Variants in SLC9A9 observed in about 807,000 individuals in gnomAD.
SLC9A9 encodes the protein sodium/hydrogen exchanger 9.
In SLC9A9, 62 loss-of-function variants were observed where a neutral mutation model predicts 77.8. The observed-to-expected ratio is 0.80, with a 90% CI of 0.65 to 0.98. The LOEUF (loss-of-function observed/expected upper bound fraction) is 0.98. Among genes scored for constraint, SLC9A9 ranks in the 50% least tolerant of loss-of-function variants. SLC9A9 has a pLI of 0.00. For missense variants in SLC9A9, 775 were observed against 774.9 expected (o/e 1.00, Z 0.00); for synonymous variants, 320 against 283.5 (o/e 1.13, Z -1.29).
chr3:143,799,996 T>C (rs1047669092), intron 2 of SLC9A9, among the ~76,000 whole-genome samples: 1 of 152,176 alleles, frequency 6.6e-6, no homozygotes, highest in African/African-American at 2.4e-5. Context: ...TAGACAATAC[T>C]CTTTTAAGCA....
At chr3:143,280,842 C>T (rs1221998403) in intron 14 of SLC9A9, among the ~76,000 whole-genome samples, 11 of 152,232 alleles carry the variant, frequency 7.2e-5, no homozygotes, top group Admixed American at 3.3e-4. Context: ...CATGAGCTAC[C>T]GCGCCTAGCC....
intron 14 of SLC9A9, among the ~76,000 whole-genome samples, chr3:143,274,610 G>A (rs985253201): frequency 6.6e-6 from 1 of 152,170 alleles, no homozygotes; most frequent in Non-Finnish European, 1.5e-5. Context: ...TGTACAAACT[G>A]TTGGTGTGAA....
At chr3:143,421,940 A>G (rs2034304392) in intron 12 of SLC9A9, among the ~76,000 whole-genome samples, 1 of 152,356 alleles carries the variant, frequency 6.6e-6, no homozygotes, top group Middle Eastern at 3.4e-3. Flanking sequence ...GCATGAACAG[A>G]AACTTTTCAA....
rs570397673 is a variant in SLC9A9, at chr3:143,626,507, A to C, written c.755+25748T>G. Among the ~76,000 whole-genome samples, 147 of 152,274 alleles carry C rather than the reference A, an allele frequency of 9.7e-4. 1 individual carries two copies. The highest frequency in any genetic ancestry group is 3.4e-3 in the African/African-American group (141 of 41,542). Reference sequence around the variant, plus strand: ...TGGAAACCATCATTCTCAGCAAACTATCGCAAGGACAAAAAACCAAACACC... The same window carrying C: ...TGGAAACCATCATTCTCAGCAAACTCTCGCAAGGACAAAAAACCAAACACC... On this transcript the variant is annotated intron_variant, in intron 6 of 15. Transcript: ENST00000316549.
chr3:143,489,577 A>G (rs2035706118), intron 11 of SLC9A9, among the ~76,000 whole-genome samples: 1 of 152,040 alleles, frequency 6.6e-6, no homozygotes, highest in South Asian at 2.1e-4. Context: ...AACTCTTAGA[A>G]AAAGAATAGG....
intron 14 of SLC9A9, among the ~76,000 whole-genome samples, chr3:143,331,366 C>T (rs2031764865): frequency 6.6e-6 from 1 of 152,004 alleles, no homozygotes; most frequent in South Asian, 2.1e-4. Context: ...TTAAAGTATC[C>T]TGTGTAATAT....
At chr3:143,393,688 A>G (rs1559896047) in intron 12 of SLC9A9, among the ~76,000 whole-genome samples, 1 of 152,168 alleles carries the variant, frequency 6.6e-6, no homozygotes, top group Admixed American at 6.5e-5. Context: ...GATCAACAAA[A>G]TTGATAGACC....
At chr3:143,816,977 T>C (rs887404519) in intron 2 of SLC9A9, among the ~76,000 whole-genome samples, 31 of 152,196 alleles carry the variant, frequency 2.0e-4, no homozygotes, top group Admixed American at 5.9e-4. Context: ...TACTCAGTAT[T>C]AGTTTTTCTT....
intron 1 of SLC9A9, among the ~76,000 whole-genome samples, chr3:143,841,324 T>C (rs1034567616): frequency 6.6e-6 from 1 of 152,228 alleles, no homozygotes; most frequent in Admixed American, 6.5e-5. Context: ...TCAGGCAAGT[T>C]ACTTAATGTT....
At chr3:143,390,347 C>G (rs1020243749) in intron 12 of SLC9A9, among the ~76,000 whole-genome samples, 3 of 152,204 alleles carry the variant, frequency 2.0e-5, no homozygotes, top group Admixed American at 6.5e-5. Context: ...AACGGCTGTT[C>G]CTATCACTTA....
At chr3:143,643,087 C>T (rs1372445455) in intron 6 of SLC9A9, among the ~76,000 whole-genome samples, 2 of 151,982 alleles carry the variant, frequency 1.3e-5, no homozygotes, top group African/African-American at 4.8e-5. Context: ...CTTCTTGCGG[C>T]CTGTACATTT....
intron 12 of SLC9A9, among the ~76,000 whole-genome samples, chr3:143,402,447 G>GTTTTTTTTTT (rs11292780): frequency 9.1e-6 from 1 of 110,396 alleles, no homozygotes; most frequent in Non-Finnish European, 1.9e-5. Flanking sequence ...GCACCTTTGT[G>GTTTTTTTTTT]TTTTTTTTTT....
At chr3:143,424,239 A>T (rs1164855410) in intron 12 of SLC9A9, among the ~76,000 whole-genome samples, 1 of 148,616 alleles carries the variant, frequency 6.7e-6, no homozygotes, top group Non-Finnish European at 1.5e-5. Flanking sequence ...ACTGTGAAAA[A>T]TTCAAGAAAA....
chr3:143,518,219 C>A (rs761115052), intron 9 of SLC9A9: 10 of 1,597,418 alleles, frequency 6.3e-6, no homozygotes, highest in Non-Finnish European at 8.5e-6. Flanking sequence ...GTTCACTTTG[C>A]GGGGGTCCAT....
intron 11 of SLC9A9, among the ~76,000 whole-genome samples, chr3:143,484,056 C>T (rs373414305): frequency 6.6e-6 from 1 of 152,104 alleles, no homozygotes. Flanking sequence ...TCATTGTTTA[C>T]CTTCTCCAAA....
At chr3:143,480,928 A>C (rs1238427081) in intron 11 of SLC9A9, among the ~76,000 whole-genome samples, 3 of 152,190 alleles carry the variant, frequency 2.0e-5, no homozygotes, top group Non-Finnish European at 4.4e-5. Flanking sequence ...AGGAAAGAAA[A>C]GTCCAGCTTT....
At chr3:143,285,605 A>T (rs1298944573) in intron 14 of SLC9A9, among the ~76,000 whole-genome samples, 1 of 152,124 alleles carries the variant, frequency 6.6e-6, no homozygotes, top group Non-Finnish European at 1.5e-5. Flanking sequence ...CCTCTGAGAA[A>T]AGACCTCCAC....
At chr3:143,554,510 C>T (rs1180895351) in intron 8 of SLC9A9, among the ~76,000 whole-genome samples, 1 of 152,224 alleles carries the variant, frequency 6.6e-6, no homozygotes, top group African/African-American at 2.4e-5. Flanking sequence ...GCATCCCTTT[C>T]CAAGCCCCCA....
chr3:143,724,346 G>A (rs893079385), intron 4 of SLC9A9, among the ~76,000 whole-genome samples: 1 of 152,116 alleles, frequency 6.6e-6, no homozygotes, highest in African/African-American at 2.4e-5. Flanking sequence ...AGACCTCTCA[G>A]TCATGCTTCC....
Sources: allele counts gnomAD v4.1 joint callset (sites outside exome capture counted in the v4.1 genomes callset), GRCh38; gene constraint gnomAD v4.1.1; transcripts MANE v1.5; gene names NCBI Gene and HGNC (gene_info 2026-07-23, HGNC 2026-07-21).